Variants in KALRN observed in about 807,000 individuals in gnomAD.
The protein encoded by KALRN is kalirin.
In KALRN, 70 loss-of-function variants were observed where a neutral mutation model predicts 353.7. The ratio of observed to expected loss-of-function variants is 0.20; its 90% CI spans 0.16 to 0.24. The LOEUF (loss-of-function observed/expected upper bound fraction) is 0.24, where lower values mean the gene tolerates loss of function less well. Ranked by LOEUF, KALRN falls within the 10% of genes least tolerant of loss-of-function variation. The pLI is 1.00. For missense variants in KALRN, 2,791 were observed against 3,756.7 expected, an observed-to-expected ratio of 0.74 and a Z score of 6.72; for synonymous variants, 1,391 against 1,434.8, an observed-to-expected ratio of 0.97 and a Z score of 0.69.
In KALRN at chr3:124,446,268, G is replaced by A. The variant is rs376875291; in HGVS notation, c.3421G>A (p.Ala1141Thr). 3.7e-5 allele frequency: 59 copies of A among 1,612,178 alleles called. No individual in the cohort carries two copies. Among genetic ancestry groups the A allele is most frequent in the African/African-American group, 2.8e-4 (21 of 74,888 alleles). ...GCAATATGTGGTGTTCGAGCGCAGC[G>A]CTAAGCAGGTTGTCCAAAGCTTTCC... ...CQQYVVFERS[A>T]KQALDWIQET... Residue 1141 changes from alanine to threonine, a missense_variant, in exon 20 of 60, where the codon GCT becomes ACT. This residue lies in a region of KALRN where 268 missense variants were observed against 347.0 expected (regional missense o/e 0.77). Transcript: ENST00000682506.
chr3:124,541,046 G>A (rs1333010987), intron 33 of KALRN, among the ~76,000 whole-genome samples: 1 of 152,148 alleles, frequency 6.6e-6, no homozygotes, highest in African/African-American at 2.4e-5. Flanking sequence ...CTTATTTCCT[G>A]TGTCTTGGTG....
chr3:124,177,941 A>G (rs1373747718), intron 1 of KALRN, among the ~76,000 whole-genome samples: 1 of 152,130 alleles, frequency 6.6e-6, no homozygotes, highest in Non-Finnish European at 1.5e-5. Flanking sequence ...GGTCCATGCA[A>G]GTGTTTTAGA....
chr3:124,451,803 C>CA (rs1358415271), intron 21 of KALRN, among the ~76,000 whole-genome samples: 1 of 152,178 alleles, frequency 6.6e-6, no homozygotes, highest in Non-Finnish European at 1.5e-5. Context: ...GCAGCCACGT[C>CA]ATCTGGTCAT....
At chr3:124,573,060 G>C (rs1165321395) in intron 34 of KALRN, among the ~76,000 whole-genome samples, 1 of 152,016 alleles carries the variant, frequency 6.6e-6, no homozygotes, top group Admixed American at 6.6e-5. Flanking sequence ...TGGGGTGGAA[G>C]GCCTGAGTCT....
At chr3:124,482,321 TA>T (rs1180255363) in intron 27 of KALRN, among the ~76,000 whole-genome samples, 1 of 152,174 alleles carries the variant, frequency 6.6e-6, no homozygotes, top group Non-Finnish European at 1.5e-5. Flanking sequence ...ATGGTATTAA[TA>T]AAGGAGATAT....
rs959865489 is a variant in KALRN at position 124,721,689 on chromosome 3, G to A, written c.*2219G>A. ...GAGGAAAGCCTGAGCCGGGCGCGGCGGCTCACGCCTGTGATCCCAGCACTT... is the reference window on the plus strand; with the variant it reads ...GAGGAAAGCCTGAGCCGGGCGCGGCAGCTCACGCCTGTGATCCCAGCACTT... On this transcript the variant is annotated 3_prime_UTR_variant, in exon 60 of 60. Coordinates refer to ENST00000682506, the MANE Select transcript of KALRN (RefSeq NM_001388419.1). 1 of 152,174 alleles carries A rather than the reference G, an allele frequency of 6.6e-6. No individual in the cohort carries two copies. The highest frequency in any genetic ancestry group is 2.4e-5 in the African/African-American group (1 of 41,426). 9.4% of individuals were successfully genotyped at this position (152,174 alleles called of 1,614,324 possible).
At chr3:124,285,028 T>C (rs1580479264) in intron 5 of KALRN, among the ~76,000 whole-genome samples, 1 of 152,288 alleles carries the variant, frequency 6.6e-6, no homozygotes, top group Non-Finnish European at 1.5e-5. Flanking sequence ...CCCCAAGTGA[T>C]AGGGGTAGCA....
intron 33 of KALRN, among the ~76,000 whole-genome samples, chr3:124,511,635 C>T (rs1438247011): frequency 6.6e-6 from 1 of 152,206 alleles, no homozygotes; most frequent in Non-Finnish European, 1.5e-5. Flanking sequence ...CTTCCCTCTG[C>T]CCCTGCTCCT....
intron 27 of KALRN, among the ~76,000 whole-genome samples, chr3:124,479,927 G>A (rs2061815424): frequency 6.6e-6 from 1 of 152,054 alleles, no homozygotes; most frequent in Non-Finnish European, 1.5e-5. Flanking sequence ...GTTTCACCGT[G>A]TTAGCCAGGA....
At chr3:124,708,226 A>C (rs1304771019) in intron 57 of KALRN, among the ~76,000 whole-genome samples, 1 of 152,256 alleles carries the variant, frequency 6.6e-6, no homozygotes, top group Non-Finnish European at 1.5e-5. Context: ...TTTGGGATAC[A>C]ATCTAAATTT....
chr3:124,697,815 C>A, intron 55 of KALRN, 91 bp downstream of exon 55: 1 of 1,272,530 alleles, frequency 7.9e-7, no homozygotes, highest in South Asian at 1.7e-5. Context: ...TAAAATTTAC[C>A]ATGCTAACCA....
intron 1 of KALRN, among the ~76,000 whole-genome samples, chr3:124,130,923 G>A (rs531340125): frequency 2.6e-5 from 4 of 152,280 alleles, no homozygotes; most frequent in African/African-American, 9.6e-5. Context: ...CAAACCTAAT[G>A]TGTGGGACAG....
intron 34 of KALRN, among the ~76,000 whole-genome samples, chr3:124,595,391 A>T (rs892358747): frequency 1.3e-5 from 2 of 152,188 alleles, no homozygotes; most frequent in African/African-American, 2.4e-5. Flanking sequence ...TGGTGGGAGT[A>T]TTTATACCAT....
At chr3:124,368,133 C>CG (rs1235262582) in intron 10 of KALRN, among the ~76,000 whole-genome samples, 1 of 68,610 alleles carries the variant, frequency 1.5e-5, no homozygotes, top group Non-Finnish European at 2.8e-5. Context: ...GCTGGCCAGG[C>CG]GGGGGGCTGA....
At chr3:124,288,646 C>T (rs547568254) in intron 5 of KALRN, among the ~76,000 whole-genome samples, 7 of 151,976 alleles carry the variant, frequency 4.6e-5, no homozygotes, top group Admixed American at 1.3e-4. Context: ...GATAATGACA[C>T]GGGAAAGCAA....
At chr3:124,576,155 C>T (rs984164705) in intron 34 of KALRN, among the ~76,000 whole-genome samples, 1 of 151,680 alleles carries the variant, frequency 6.6e-6, no homozygotes, top group Non-Finnish European at 1.5e-5. Flanking sequence ...AGAGGTCTTC[C>T]CTAACTCCCA....
intron 34 of KALRN, among the ~76,000 whole-genome samples, chr3:124,592,197 G>A (rs1169661429): frequency 4.0e-5 from 6 of 151,786 alleles, no homozygotes; most frequent in Non-Finnish European, 8.8e-5. Flanking sequence ...AGCTACTCGG[G>A]AGGCTGAGTC....
chr3:124,373,229 A>G (rs2086107485), intron 10 of KALRN, among the ~76,000 whole-genome samples: 1 of 152,104 alleles, frequency 6.6e-6, no homozygotes, highest in African/African-American at 2.4e-5. Context: ...AGCTTCCTCT[A>G]TGGTCTTATG....
chr3:124,504,961 T>C (rs1019352522), intron 33 of KALRN: 6 of 499,894 alleles, frequency 1.2e-5, no homozygotes, highest in Non-Finnish European at 2.1e-5. Flanking sequence ...GTGAGTACAC[T>C]TGCAGTTCTG....
Sources: gnomAD v4.1 joint callset for allele counts (sites outside exome capture counted in the v4.1 genomes callset) on GRCh38, gnomAD v4.1.1 for gene constraint, gnomAD v4.1.1 regional missense constraint, MANE v1.5 for transcripts, NCBI Gene and HGNC (gene_info 2026-07-23, HGNC 2026-07-21) for gene names.